PCP4: variants seen among roughly 807,000 people sequenced by gnomAD.
PCP4 encodes the protein calmodulin regulator protein PCP4.
Under a neutral mutation model 10.0 loss-of-function variants are expected in PCP4, and 8 were observed. The observed-to-expected ratio is 0.80, with a 90% CI of 0.47 to 1.45. The LOEUF (loss-of-function observed/expected upper bound fraction) is 1.45. Among genes scored for constraint, PCP4 ranks in the 40% most tolerant of loss-of-function variants. The pLI is 0.00. For synonymous variants in PCP4, 21 were observed against 23.0 expected, an observed-to-expected ratio of 0.91 and a Z score of 0.24; for missense variants, 54 against 74.4, an observed-to-expected ratio of 0.73 and a Z score of 1.01.
intron 1 of PCP4, among the ~76,000 whole-genome samples, chr21:39,874,881 G>A (rs1245918453): frequency 6.6e-6 from 1 of 152,192 alleles, no homozygotes; most frequent in African/African-American, 2.4e-5. Context: ...GATAATACCT[G>A]AAAGTGCTGC....
intron 1 of PCP4, among the ~76,000 whole-genome samples, chr21:39,880,460 TGTGA>T (rs778329066): frequency 1.1e-4 from 17 of 149,218 alleles, no homozygotes; most frequent in Non-Finnish European, 2.1e-4. Flanking sequence ...TGTGCGTGTG[TGTGA>T]GTGTGTGTGT....
At chr21:39,903,867 CAAAAAAAACAA>C (rs2087493376) in intron 2 of PCP4, among the ~76,000 whole-genome samples, 1 of 34,822 alleles carries the variant, frequency 2.9e-5, no homozygotes, top group African/African-American at 9.5e-5. Flanking sequence ...GACTCCGTCT[CAAAAAAAACAA>C]AAAAAAAAAA....
rs968744824 is a variant in PCP4 at position 39,906,102 on chromosome 21, G to A, written c.61+7575G>A. Among the ~76,000 whole-genome samples the A allele has an allele frequency of 6.6e-6, 1 of 152,194 alleles. No individual in the cohort carries two copies. On this transcript the variant is annotated intron_variant, in intron 2 of 2. Transcript: ENST00000328619. The surrounding 1 kb of genome is among the most constrained non-coding windows in gnomAD (Gnocchi z 6.3). ...TTGATGTTACCATGGCCTTGCAGGT[G>A]GGTTGGGAGAGGATCTCAGGCAAAG...
intron 1 of PCP4, among the ~76,000 whole-genome samples, chr21:39,887,046 C>G (rs16998828): frequency 6.6e-6 from 1 of 151,758 alleles, no homozygotes; most frequent in East Asian, 1.9e-4. Flanking sequence ...GTAGAAAATG[C>G]GAATTTTAAA....
intron 1 of PCP4, 150 bp from the exon 2 acceptor site, chr21:39,898,326 A>G (rs889669178): frequency 1.1e-5 from 8 of 752,236 alleles, no homozygotes; most frequent in Non-Finnish European, 1.7e-5. Flanking sequence ...ATCCATTCCT[A>G]CTCTCACTAG....
chr21:39,884,242 T>A (rs1191052783), intron 1 of PCP4, among the ~76,000 whole-genome samples: 1 of 151,802 alleles, frequency 6.6e-6, no homozygotes, highest in East Asian at 2.0e-4. Context: ...TGCAATGGTG[T>A]GATCTTGGCT....
chr21:39,926,036 C>T, intron 2 of PCP4: 1 of 456,244 alleles, frequency 2.2e-6, no homozygotes, highest in Non-Finnish European at 4.4e-6. Flanking sequence ...GTTGTCCCTT[C>T]TCCACTGCAG....
At chr21:39,888,156 G>T (rs1179390546) in intron 1 of PCP4, among the ~76,000 whole-genome samples, 1 of 152,208 alleles carries the variant, frequency 6.6e-6, no homozygotes, top group Non-Finnish European at 1.5e-5. Context: ...CTTACGAGAA[G>T]ACACAGCACC....
intron 1 of PCP4, among the ~76,000 whole-genome samples, chr21:39,892,275 A>G (rs1168861829): frequency 6.6e-6 from 1 of 152,250 alleles, no homozygotes; most frequent in Non-Finnish European, 1.5e-5. Context: ...AAAGAGTAAT[A>G]TTAAAAGCTA....
Position 39,891,499 on chromosome 21 carries a change from C to T in PCP4, c.10-6977C>T, listed in dbSNP as rs544243911. On this transcript the variant is annotated intron_variant, in intron 1 of 2. Coordinates refer to ENST00000328619, the MANE Select transcript of PCP4 (RefSeq NM_006198.3). ...GCTGGTGGTGTAGGGTCCAGCCCTA[C>T]GGGGCTTAGCGGGTATTCTCCTCGT... Among the ~76,000 whole-genome samples, 67 of 152,288 alleles carry T rather than the reference C, an allele frequency of 4.4e-4. 1 individual carries two copies. Among genetic ancestry groups the T allele is most frequent in the African/African-American group, 1.5e-3 (62 of 41,556 alleles).
At chr21:39,884,139 T>A (rs1382259437) in intron 1 of PCP4, among the ~76,000 whole-genome samples, 2 of 152,096 alleles carry the variant, frequency 1.3e-5, no homozygotes, top group Non-Finnish European at 2.9e-5. Flanking sequence ...AATCTACCCC[T>A]TTTAGTTGTA....
At chr21:39,924,602 A>G (rs534668422) in intron 2 of PCP4, among the ~76,000 whole-genome samples, 10 of 152,162 alleles carry the variant, frequency 6.6e-5, no homozygotes, top group African/African-American at 2.4e-4. Flanking sequence ...CAGTGGTGCA[A>G]TCATAGCTCA....
In PCP4 at chr21:39,929,335, A is replaced by G; in HGVS notation, c.*224A>G. The G allele has an allele frequency of 2.7e-6, 1 of 365,244 alleles. No individual in the cohort carries two copies. Among genetic ancestry groups the G allele is most frequent in the East Asian group, 4.1e-5 (1 of 24,360 alleles). The allele number at this position is 365,244 out of a possible 1,614,324, so 22.6% of individuals were successfully genotyped here. ...AATCTCTATGTTTCTCTCCATTTTCATTCCTCCTGCAACTATTTTCCTTGA... is the reference window on the plus strand; with the variant it reads ...AATCTCTATGTTTCTCTCCATTTTCGTTCCTCCTGCAACTATTTTCCTTGA... On this transcript the variant is annotated 3_prime_UTR_variant, in exon 3 of 3. Coordinates refer to ENST00000328619, the MANE Select transcript of PCP4 (RefSeq NM_006198.3).
intron 1 of PCP4, among the ~76,000 whole-genome samples, chr21:39,880,019 CT>C (rs972942678): frequency 6.6e-6 from 1 of 152,132 alleles, no homozygotes; most frequent in African/African-American, 2.4e-5. Flanking sequence ...ATCCCAATTG[CT>C]TTTTAATGAA....
chr21:39,927,567 AG>A (rs201928152), intron 2 of PCP4, among the ~76,000 whole-genome samples: 1,400 of 91,510 alleles, frequency 0.015, 18 homozygotes, highest in African/African-American at 0.038. Flanking sequence ...TCAGGAATAG[AG>A]CCCCACTCCC....
At chr21:39,873,668 T>G (rs1196998927) in intron 1 of PCP4, among the ~76,000 whole-genome samples, 1 of 152,182 alleles carries the variant, frequency 6.6e-6, no homozygotes, top group East Asian at 1.9e-4. Context: ...GAACAATGAA[T>G]ACAGAAACGT....
chr21:39,887,215 C>A (rs2837267), intron 1 of PCP4, among the ~76,000 whole-genome samples: 4 of 151,836 alleles, frequency 2.6e-5, no homozygotes, highest in Non-Finnish European at 5.9e-5. Context: ...AGGAATAGAA[C>A]GTAGTATTTG....
chr21:39,892,662 G>A (rs1021094165), intron 1 of PCP4, among the ~76,000 whole-genome samples: 1 of 152,124 alleles, frequency 6.6e-6, no homozygotes, highest in Non-Finnish European at 1.5e-5. Context: ...AATACATCAT[G>A]GAGAATGGGG....
intron 1 of PCP4, among the ~76,000 whole-genome samples, chr21:39,892,392 A>C (rs1404769002): frequency 6.6e-6 from 1 of 152,098 alleles, no homozygotes; most frequent in Admixed American, 6.5e-5. Context: ...TATTATACTG[A>C]AACAGTTTGT....
Sources: gnomAD v4.1 joint callset for allele counts (sites outside exome capture counted in the v4.1 genomes callset) on GRCh38, gnomAD v4.1.1 for gene constraint, Gnocchi (gnomAD v3.1) non-coding constraint, MANE v1.5 for transcripts, NCBI Gene and HGNC (gene_info 2026-07-23, HGNC 2026-07-21) for gene names.